Variants in GALE observed in about 807,000 individuals in gnomAD.
GALE encodes UDP-galactose-4-epimerase, also known as UDP-glucose 4-epimerase.
In GALE, 32 loss-of-function variants were observed where a neutral mutation model predicts 44.1. The observed-to-expected ratio is 0.73, with a 90% CI of 0.55 to 0.97. The LOEUF (loss-of-function observed/expected upper bound fraction) is 0.97, where lower values mean the gene tolerates loss of function less well. Ranked by LOEUF, GALE falls within the 50% of genes least tolerant of loss-of-function variation. GALE has a pLI of 0.00. For missense variants in GALE, 423 were observed against 455.6 expected, an observed-to-expected ratio of 0.93 and a Z score of 0.65; for synonymous variants, 182 against 183.5, an observed-to-expected ratio of 0.99 and a Z score of 0.06.
At chr1:23,797,372 C>T (rs1022934589) in intron 6 of GALE, among the ~76,000 whole-genome samples, 2 of 152,150 alleles carry the variant, frequency 1.3e-5, no homozygotes, top group Non-Finnish European at 2.9e-5. Context: ...GCACACACCA[C>T]CATGGCCGGC....
Position 23,798,267 on chromosome 1 carries a change from T to G in GALE, c.238-37A>C. 1 of 1,498,442 alleles carries G rather than the reference T, an allele frequency of 6.7e-7. No individual in the cohort carries two copies. The highest frequency in any genetic ancestry group is 9.3e-7 in the Non-Finnish European group (1 of 1,075,506). 92.8% of individuals were successfully genotyped at this position (1,498,442 alleles called of 1,614,324 possible). ...ACATGGCCAGAGGTTGCTCTACTGG[T>G]TTTAGTCCTTGGCAATGCCCTCAGC... On this transcript the variant is annotated intron_variant, in intron 4 of 11. Transcript: ENST00000617979. The surrounding 1 kb of genome is among the most constrained non-coding windows in gnomAD (Gnocchi z 4.5).
At chr1:23,799,107 G>A in intron 2 of GALE, 95 bp from the exon 3 acceptor site, 8 of 1,551,326 alleles carry the variant, frequency 5.2e-6, no homozygotes, top group Non-Finnish European at 6.2e-6. Flanking sequence ...GCTTTGGAAG[G>A]AGGCGGCAGT....
intron 2 of GALE, 172 bp from the exon 3 acceptor site, chr1:23,799,184 G>A (rs1014351179): frequency 4.2e-5 from 32 of 758,750 alleles, no homozygotes; most frequent in South Asian, 3.9e-4. Flanking sequence ...TCACTTTCTG[G>A]CCTTAGGCTT....
At chr1:23,797,949 G>C in intron 5 of GALE, 78 bp from the exon 6 acceptor site, 1 of 1,495,258 alleles carries the variant, frequency 6.7e-7, no homozygotes. Context: ...CAGGAGAATG[G>C]GGCTGAGGTG....
chr1:23,797,647 G>A (rs373865969), intron 6 of GALE, 48 bp downstream of exon 6: 4 of 1,579,324 alleles, frequency 2.5e-6, no homozygotes, highest in Non-Finnish European at 3.5e-6. Flanking sequence ...TGGGCCCTGA[G>A]GAGTCCATCG....
Position 23,798,852 on chromosome 1 carries a change from C to G in GALE, c.121+35G>C, listed in dbSNP as rs373419146. 1.4e-5 allele frequency: 22 copies of G among 1,614,014 alleles called. No homozygotes were observed. Among genetic ancestry groups the G allele is most frequent in the Non-Finnish European group, 1.6e-5 (19 of 1,180,030 alleles). ...AACCCAGGGTTTTGCTTCTGCCATC[C>G]CCTCAAGTAGCCCCAGCCCCACTGC... On this transcript the variant is annotated intron_variant, in intron 3 of 11. Transcript: ENST00000617979. This position sits in a 1 kb window ranked among gnomAD's most constrained non-coding sequence, Gnocchi z 4.5.
rs3180383 is a variant in GALE, at chr1:23,796,202, G to T, written c.937C>A (p.Leu313Met). 1 of 1,614,134 alleles carries T rather than the reference G, an allele frequency of 6.2e-7. No individual in the cohort carries two copies. ...DVAACYANPS[L>M]AQEELGWTAA... is the part of the protein sequence containing the mutation. ...GTCCACCCCAGCTCCTCTTGGGCCA[G>T]GCTGGGGTTGGCGTAACAGGCTGCC... Residue 313 changes from leucine to methionine, a missense_variant, in exon 11 of 12, where the codon CTG becomes ATG. Leu to Met is a conservative substitution (Grantham distance 15, BLOSUM62 2). Transcript: ENST00000617979. This position sits in a 1 kb window ranked among gnomAD's most constrained non-coding sequence, Gnocchi z 5.2.
rs764840376 is a variant in GALE, at chr1:23,798,761, C to T, written c.122-31G>A. 13 of 1,608,804 alleles carry T rather than the reference C, an allele frequency of 8.1e-6. No individual in the cohort carries two copies. Among genetic ancestry groups the T allele is most frequent in the South Asian group, 7.7e-5 (7 of 91,008 alleles). The stretch of plus-strand genomic sequence containing the variant: ...AGGGTACATGTAGGCCACATCATCA[C>T]GACATGGGGTGCTGTGTTCCCAGGG... On this transcript the variant is annotated intron_variant, in intron 3 of 11. Coordinates refer to ENST00000617979, the MANE Select transcript of GALE (RefSeq NM_001008216.2). The surrounding 1 kb of genome is among the most constrained non-coding windows in gnomAD (Gnocchi z 4.5).
At position 23,797,075 on chromosome 1, in the gene GALE, G is replaced by A. The variant is rs929558635; in HGVS notation, c.601C>T (p.Pro201Ser). 1.2e-6 allele frequency: 2 copies of A among 1,613,772 alleles called. No individual in the cohort carries two copies. The highest frequency in any genetic ancestry group is 1.7e-5 in the Admixed American group (1 of 59,946). ...ATGAGGTTGTTGGGTATGCCCTGGG[G>A]ATCCTCACCAATGCAGCCAGAGGCA... ...AHASGCIGEDPQGIPNNLMPY... is the reference protein window; with the variant it reads ...AHASGCIGEDSQGIPNNLMPY... Residue 201 changes from proline to serine, a missense_variant, in exon 7 of 12, where the codon CCC (proline) becomes TCC (serine). Coordinates refer to ENST00000617979, the MANE Select transcript of GALE (RefSeq NM_001008216.2).
Position 23,798,534 on chromosome 1 carries a change from G to T in GALE, c.237+81C>A. On this transcript the variant is annotated intron_variant, in intron 4 of 11. Transcript: ENST00000617979. This position sits in a 1 kb window ranked among gnomAD's most constrained non-coding sequence, Gnocchi z 4.5. ...TTGAGCAGGCTGGTCTTGAACACCTGGGCTCAAGTGATCTCCTCACCTCGG... is the reference window on the plus strand; with the variant it reads ...TTGAGCAGGCTGGTCTTGAACACCTTGGCTCAAGTGATCTCCTCACCTCGG... The T allele has an allele frequency of 2.0e-6, 2 of 1,013,148 alleles. No individual in the cohort carries two copies. Among genetic ancestry groups the T allele is most frequent in the South Asian group, 1.3e-5 (1 of 78,394 alleles). The allele number at this position is 1,013,148 out of a possible 1,614,324, so 62.8% of individuals were successfully genotyped here.
At chr1:23,799,295 T>C (rs1639059553) in intron 2 of GALE, 71 bp downstream of exon 2, 2 of 467,506 alleles carry the variant, frequency 4.3e-6, no homozygotes, top group South Asian at 2.1e-5. Context: ...AGTGAGGTGA[T>C]CTTAAGGGCC....
chr1:23,799,202 T>A (rs1639057433), intron 2 of GALE, 164 bp downstream of exon 2: 2 of 667,464 alleles, frequency 3.0e-6, no homozygotes, highest in African/African-American at 1.8e-5. Context: ...CTTTGGAAAT[T>A]AATTAGCCTC....
At chr1:23,800,280 C>T (rs1639087565) in intron 1 of GALE, 1 of 152,992 alleles carries the variant, frequency 6.5e-6, no homozygotes, top group Non-Finnish European at 1.5e-5. Flanking sequence ...GAAGCCGCCC[C>T]CGCCCCCGCC....
rs764292477 is a variant in GALE at position 23,796,650 on chromosome 1, C to T, written c.795+47G>A. On this transcript the variant is annotated intron_variant, in intron 9 of 11. Transcript: ENST00000617979. This position sits in a 1 kb window ranked among gnomAD's most constrained non-coding sequence, Gnocchi z 5.2. ...CTGACCACGCCTCTGGGCCGCTCTG[C>T]CTGGATCTGGTCCCTCCCCTCCCTC... 12 of 1,614,064 alleles carry T rather than the reference C, an allele frequency of 7.4e-6. No homozygotes were observed. In the East Asian group the frequency reaches 2.5e-4, roughly 33 times the overall value.
At position 23,796,411 on chromosome 1, in the gene GALE, T is replaced by C. The variant is rs1386335055; in HGVS notation, c.873+98A>G. On this transcript the variant is annotated intron_variant, in intron 10 of 11. Coordinates refer to ENST00000617979, the MANE Select transcript of GALE (RefSeq NM_001008216.2). The surrounding 1 kb of genome is among the most constrained non-coding windows in gnomAD (Gnocchi z 5.2). Reference sequence around the variant, plus strand: ...GCTGAGGAGACTGGGCAGTGCCAGGTACCCTCCAGAGAGGTGAGTGGGAAG... The same window carrying C: ...GCTGAGGAGACTGGGCAGTGCCAGGCACCCTCCAGAGAGGTGAGTGGGAAG... 2.2e-6 allele frequency: 3 copies of C among 1,377,184 alleles called. No individual in the cohort carries two copies. In the African/African-American group the frequency reaches 4.5e-5, roughly 21 times the overall value. The allele number at this position is 1,377,184 out of a possible 1,614,324, so 85.3% of individuals were successfully genotyped here.
rs374716589 is a variant in GALE at position 23,796,133 on chromosome 1, G to A, written c.988+18C>T. Reference sequence around the variant, plus strand: ...CCCCTCCCTGGCCCCTAACTGCAGGGGTCAGGCCAGCACTCACACATCCTG... The same window carrying A: ...CCCCTCCCTGGCCCCTAACTGCAGGAGTCAGGCCAGCACTCACACATCCTG... On this transcript the variant is annotated intron_variant, in intron 11 of 11. Coordinates refer to ENST00000617979, the MANE Select transcript of GALE (RefSeq NM_001008216.2). The surrounding 1 kb of genome is among the most constrained non-coding windows in gnomAD (Gnocchi z 5.2). The A allele has an allele frequency of 7.8e-5, 125 of 1,608,184 alleles. No individual in the cohort carries two copies. The highest frequency in any genetic ancestry group is 1.0e-4 in the Non-Finnish European group (123 of 1,174,776).
chr1:23,800,628 C>A (rs1267555039), intron 1 of GALE, 84 bp downstream of exon 1: 1 of 152,272 alleles, frequency 6.6e-6, no homozygotes, highest in Non-Finnish European at 1.5e-5. Context: ...AGGAACACGA[C>A]CCGCCCCTCG....
chr1:23,798,436 CTGGGACCACAGGTA>C lies in GALE; in HGVS notation c.237+165_237+178del. 1.4e-6 allele frequency: 1 copy of C among 695,288 alleles called. No individual in the cohort carries two copies. Among genetic ancestry groups the C allele is most frequent in the East Asian group, 2.7e-5 (1 of 37,132 alleles). The allele number at this position is 695,288 out of a possible 1,614,324, so 43.1% of individuals were successfully genotyped here. ...CCTCCCATGCCAGCCTCCCGAGTAG[CTGGGACCACAGGTA>C]TGGGCTACCATGCCCAGCTAATTTT... On this transcript the variant is annotated intron_variant, in intron 4 of 11. Coordinates refer to ENST00000617979, the MANE Select transcript of GALE (RefSeq NM_001008216.2). The surrounding 1 kb of genome is among the most constrained non-coding windows in gnomAD (Gnocchi z 4.5).
Position 23,796,377 on chromosome 1 carries a change from G to T in GALE, c.874-112C>A, listed in dbSNP as rs148117713. ...AGCGGCTGGCCCGCAGGCACCGGGT[G>T]CTAGGCAGGCTGAGGAGACTGGGCA... On this transcript the variant is annotated intron_variant, in intron 10 of 11. Transcript: ENST00000617979. This position sits in a 1 kb window ranked among gnomAD's most constrained non-coding sequence, Gnocchi z 5.2. 2 of 1,420,932 alleles carry T rather than the reference G, an allele frequency of 1.4e-6. No homozygotes were observed. Among genetic ancestry groups the T allele is most frequent in the East Asian group, 2.3e-5 (1 of 43,370 alleles). 88.0% of individuals were successfully genotyped at this position (1,420,932 alleles called of 1,614,324 possible).
Sources: allele counts gnomAD v4.1 joint callset (sites outside exome capture counted in the v4.1 genomes callset), GRCh38; gene constraint gnomAD v4.1.1; non-coding constraint Gnocchi (gnomAD v3.1); transcripts MANE v1.5; gene names NCBI Gene and HGNC (gene_info 2026-07-23, HGNC 2026-07-21).